The following PTPRN2 variants were observed in gnomAD, a reference collection of about 807,000 sequenced individuals.
The protein encoded by PTPRN2 is protein tyrosine phosphatase receptor type N2.
In PTPRN2, 74 loss-of-function variants were observed where a neutral mutation model predicts 118.8. That is an observed-to-expected ratio of 0.62 (90% CI 0.52 to 0.76). The LOEUF (loss-of-function observed/expected upper bound fraction) is 0.76. Ranked by LOEUF, PTPRN2 falls within the 30% of genes least tolerant of loss-of-function variation. The probability of loss-of-function intolerance (pLI) is 0.00; values close to 1 mark genes in which losing one functional copy is unlikely to be tolerated. For synonymous variants in PTPRN2, 641 were observed against 608.0 expected (o/e 1.05, Z -0.80); for missense variants, 1,481 against 1,394.4 (o/e 1.06, Z -0.99).
At chr7:158,230,843 A>T (rs1473307585) in intron 3 of PTPRN2, among the ~76,000 whole-genome samples, 1 of 152,222 alleles carries the variant, frequency 6.6e-6, no homozygotes, top group Non-Finnish European at 1.5e-5. Context: ...CATTGAATTT[A>T]AATGTACTCA....
chr7:157,855,369 TA>T (rs1204349062), intron 12 of PTPRN2, among the ~76,000 whole-genome samples: 3 of 152,182 alleles, frequency 2.0e-5, no homozygotes, highest in African/African-American at 7.2e-5. Context: ...TGGGGTCACC[TA>T]ATAACGATTA....
At chr7:158,197,031 T>C (rs549401626) in intron 4 of PTPRN2, among the ~76,000 whole-genome samples, 10 of 152,154 alleles carry the variant, frequency 6.6e-5, no homozygotes, top group Admixed American at 2.0e-4. Flanking sequence ...TACATGTATG[T>C]GTGTGTGTGT....
intron 3 of PTPRN2, among the ~76,000 whole-genome samples, chr7:158,268,396 C>A (rs993824107): frequency 7.2e-6 from 1 of 138,800 alleles, no homozygotes. Flanking sequence ...CCCAGCCGCA[C>A]GCACACAGGG....
intron 11 of PTPRN2, among the ~76,000 whole-genome samples, chr7:157,923,316 C>A (rs1490610193): frequency 6.6e-6 from 1 of 152,190 alleles, no homozygotes; most frequent in East Asian, 1.9e-4. Flanking sequence ...ACTGAGAAAA[C>A]AACAGGTGGG....
intron 11 of PTPRN2, among the ~76,000 whole-genome samples, chr7:157,966,056 A>C (rs1801899240): frequency 6.6e-6 from 1 of 152,140 alleles, no homozygotes; most frequent in East Asian, 1.9e-4. Context: ...GGAGAACTGC[A>C]GTTTTATCCC....
At chr7:158,184,245 T>C (rs1443005374) in intron 5 of PTPRN2, among the ~76,000 whole-genome samples, 1 of 152,192 alleles carries the variant, frequency 6.6e-6, no homozygotes, top group Non-Finnish European at 1.5e-5. Flanking sequence ...TTTAGACACA[T>C]GACCATGTAT....
At chr7:157,726,598 C>T (rs779816515) in intron 12 of PTPRN2, among the ~76,000 whole-genome samples, 19 of 152,314 alleles carry the variant, frequency 1.2e-4, no homozygotes, top group Non-Finnish European at 1.8e-4. Context: ...GATTTGGCCA[C>T]GATTTCCTGG....
chr7:157,854,156 C>T lies in PTPRN2; in HGVS notation c.1788+44517G>A, dbSNP rs565036837. 2.6e-5 allele frequency among the ~76,000 whole-genome samples: 4 copies of T among 152,342 alleles called. No individual in the cohort carries two copies. The East Asian group carries it at 5.8e-4, about 22-fold the overall frequency. ...GCCACTGGCTCTGTGCATTTCCCTG[C>T]CTCCGCCTCCCTCTCCCATCACTGA... On this transcript the variant is annotated intron_variant, in intron 12 of 22. Transcript: ENST00000389418.
chr7:158,116,363 G>A (rs1816728240), intron 9 of PTPRN2, among the ~76,000 whole-genome samples: 1 of 152,242 alleles, frequency 6.6e-6, no homozygotes, highest in Non-Finnish European at 1.5e-5. Context: ...TCTGTCTGAT[G>A]TAACTGATCC....
intron 22 of PTPRN2, among the ~76,000 whole-genome samples, chr7:157,544,100 C>CGGAGAGAGGT (rs1798151129): frequency 7.9e-6 from 1 of 127,166 alleles, no homozygotes; most frequent in Non-Finnish European, 1.7e-5. Flanking sequence ...TGAAGAGAGG[C>CGGAGAGAGGT]GGAGAGAGGT....
At chr7:157,856,762 C>T (rs1380018986) in intron 12 of PTPRN2, among the ~76,000 whole-genome samples, 1 of 152,192 alleles carries the variant, frequency 6.6e-6, no homozygotes, top group East Asian at 1.9e-4. Flanking sequence ...CCTCACCTCA[C>T]CCAGAATCTT....
intron 12 of PTPRN2, among the ~76,000 whole-genome samples, chr7:157,753,263 C>T (rs185618747): frequency 2.0e-4 from 30 of 152,234 alleles, no homozygotes; most frequent in Admixed American, 9.8e-4. Context: ...TGGGAGGAGA[C>T]GGTGCTGTTC....
chr7:157,852,015 G>A (rs943870667), intron 12 of PTPRN2, among the ~76,000 whole-genome samples: 1 of 152,224 alleles, frequency 6.6e-6, no homozygotes, highest in Non-Finnish European at 1.5e-5. Context: ...AAAAACCTCT[G>A]TGCAGAGCCT....
chr7:157,719,685 G>A (rs139751501), intron 12 of PTPRN2, among the ~76,000 whole-genome samples: 11 of 152,328 alleles, frequency 7.2e-5, no homozygotes, highest in Non-Finnish European at 1.5e-4. Flanking sequence ...TCTGTATGCC[G>A]GGGGAGTGGG....
chr7:158,183,685 C>T lies in PTPRN2; in HGVS notation c.549+8642G>A, dbSNP rs529341450. On this transcript the variant is annotated intron_variant, in intron 5 of 22. Coordinates refer to ENST00000389418, the MANE Select transcript of PTPRN2 (RefSeq NM_002847.5). Reference sequence around the variant, plus strand: ...CCAGGACTTGGTAGGGTTAAGGTCCCGCCCCCATGGGCTGAATTCTCCAGT... The same window carrying T: ...CCAGGACTTGGTAGGGTTAAGGTCCTGCCCCCATGGGCTGAATTCTCCAGT... Among the ~76,000 whole-genome samples the T allele has an allele frequency of 3.3e-5, 5 of 152,202 alleles. No homozygotes were observed. The East Asian group carries it at 5.8e-4, about 18-fold the overall frequency.
intron 1 of PTPRN2, among the ~76,000 whole-genome samples, chr7:158,549,671 A>C (rs1008978489): frequency 6.6e-6 from 1 of 152,202 alleles, no homozygotes; most frequent in African/African-American, 2.4e-5. Flanking sequence ...CTCCCAGAGG[A>C]GATCAGCCCA....
At chr7:157,848,267 T>C (rs567789353) in intron 12 of PTPRN2, among the ~76,000 whole-genome samples, 33 of 142,750 alleles carry the variant, frequency 2.3e-4, no homozygotes, top group African/African-American at 4.8e-4. Context: ...CATGTGTGCC[T>C]GATGTTTACA....
rs142976769 is a variant in PTPRN2, at chr7:157,787,598, G to A, written c.1789-104661C>T. ...GCGACCCCACAGAGAGAGAGGCAGA[G>A]GAGAGTGGCCGTGACCTGGAGGACA... is the stretch of plus-strand genomic sequence containing the variant. On this transcript the variant is annotated intron_variant, in intron 12 of 22. Coordinates refer to ENST00000389418, the MANE Select transcript of PTPRN2 (RefSeq NM_002847.5). The surrounding 1 kb of genome is among the most constrained non-coding windows in gnomAD (Gnocchi z 5.3). Among the ~76,000 whole-genome samples the A allele has an allele frequency of 2.9e-3, 444 of 152,208 alleles. 2 individuals are homozygous for A. Among genetic ancestry groups the A allele is most frequent in the African/African-American group, 9.6e-3 (398 of 41,478 alleles).
chr7:158,119,385 G>A (rs888640698), intron 9 of PTPRN2, among the ~76,000 whole-genome samples: 1 of 152,114 alleles, frequency 6.6e-6, no homozygotes, highest in Admixed American at 6.5e-5. Context: ...AATAGTAAAC[G>A]TTGGCAAAGA....
Sources: allele counts gnomAD v4.1 joint callset (sites outside exome capture counted in the v4.1 genomes callset), GRCh38; gene constraint gnomAD v4.1.1; non-coding constraint Gnocchi (gnomAD v3.1); transcripts MANE v1.5; gene names NCBI Gene and HGNC (gene_info 2026-07-23, HGNC 2026-07-21).